PLCE1: variants seen among roughly 807,000 people sequenced by gnomAD.
PLCE1 encodes phospholipase C epsilon 1, also known as 1-phosphatidylinositol 4,5-bisphosphate phosphodiesterase epsilon-1.
PLCE1 carries 119 observed loss-of-function variants against 242.8 expected under a neutral mutation model. The ratio of observed to expected loss-of-function variants is 0.49; its 90% CI spans 0.42 to 0.57. PLCE1 has a LOEUF of 0.57. Among genes scored for constraint, PLCE1 ranks in the 20% least tolerant of loss-of-function variants. PLCE1 has a pLI of 0.00. For synonymous variants in PLCE1, 945 were observed against 1,017.4 expected (o/e 0.93, Z 1.35); for missense variants, 2,441 against 2,788.8 (o/e 0.88, Z 2.81).
chr10:94,134,077 TC>T (rs1197692825), intron 3 of PLCE1, among the ~76,000 whole-genome samples: 1 of 151,232 alleles, frequency 6.6e-6, no homozygotes, highest in Non-Finnish European at 1.5e-5. Flanking sequence ...ACTAAACCCC[TC>T]CCATTTGGTT....
chr10:94,308,515 T>C, intron 26 of PLCE1, 66 bp from the exon 27 acceptor site: 2 of 1,135,484 alleles, frequency 1.8e-6, no homozygotes, highest in Non-Finnish European at 2.7e-6. Context: ...ATTTGCCGAC[T>C]TCCAGGAGCA....
At chr10:94,260,021 C>T (rs974639800) in intron 13 of PLCE1, among the ~76,000 whole-genome samples, 2 of 152,172 alleles carry the variant, frequency 1.3e-5, no homozygotes, top group Non-Finnish European at 1.5e-5. Flanking sequence ...TACCTCCCAC[C>T]AGGTCCCTTC....
chr10:93,998,453 A>G (rs562931584), intron 1 of PLCE1, among the ~76,000 whole-genome samples: 139 of 152,282 alleles, frequency 9.1e-4, no homozygotes, highest in Non-Finnish European at 1.7e-3. Flanking sequence ...GGCTTAAGGT[A>G]TAGAGCCTGG....
chr10:94,002,583 C>T (rs913236331), intron 1 of PLCE1, among the ~76,000 whole-genome samples: 5 of 152,158 alleles, frequency 3.3e-5, no homozygotes, highest in African/African-American at 9.7e-5. Flanking sequence ...TATATTTTAT[C>T]TTAAATTATT....
chr10:94,199,214 A>G (rs946135567), intron 4 of PLCE1, among the ~76,000 whole-genome samples: 31 of 152,260 alleles, frequency 2.0e-4, no homozygotes, highest in Admixed American at 1.8e-3. Context: ...CACTAAAAGC[A>G]TTCTCAAATA....
chr10:94,240,705 T>C (rs1257074964), intron 7 of PLCE1, among the ~76,000 whole-genome samples: 1 of 152,114 alleles, frequency 6.6e-6, no homozygotes, highest in Non-Finnish European at 1.5e-5. Context: ...CAATGTAAAA[T>C]TTTCATCAGG....
At chr10:94,047,998 G>T (rs1240408402) in intron 2 of PLCE1, among the ~76,000 whole-genome samples, 1 of 152,086 alleles carries the variant, frequency 6.6e-6, no homozygotes, top group Non-Finnish European at 1.5e-5. Context: ...TTAAATTTTA[G>T]TTGTTTTGAA....
intron 2 of PLCE1, chr10:94,100,060 G>C (rs1019968113): frequency 2.0e-5 from 3 of 152,180 alleles, no homozygotes; most frequent in Non-Finnish European, 4.4e-5. Context: ...CACAACCTCT[G>C]TCTGGTTCTG....
At chr10:94,165,146 A>G (rs2047752677) in intron 3 of PLCE1, among the ~76,000 whole-genome samples, 2 of 152,232 alleles carry the variant, frequency 1.3e-5, no homozygotes, top group East Asian at 1.9e-4. Flanking sequence ...TGGGAGAACC[A>G]CTACTCTCTT....
intron 7 of PLCE1, among the ~76,000 whole-genome samples, chr10:94,237,042 T>C (rs2050348991): frequency 6.6e-6 from 1 of 152,200 alleles, no homozygotes; most frequent in Non-Finnish European, 1.5e-5. Flanking sequence ...TGTTCTGAGA[T>C]TCCTAGCAGT....
Position 94,298,711 on chromosome 10 carries a change from A to T in PLCE1, c.5458+42A>T. 6.2e-7 allele frequency: 1 copy of T among 1,601,584 alleles called. No homozygotes were observed. On this transcript the variant is annotated intron_variant, in intron 24 of 32. Coordinates refer to ENST00000371380, the MANE Select transcript of PLCE1 (RefSeq NM_016341.4). This position sits in a 1 kb window ranked among gnomAD's most constrained non-coding sequence, Gnocchi z 5.2. ...CTCACCTCGCTCCTTTGCATCTTAC[A>T]TTTCAGTAAATGCAGTTTGACAGCA...
chr10:94,206,455 G>A (rs973942726), intron 4 of PLCE1, among the ~76,000 whole-genome samples: 1 of 152,196 alleles, frequency 6.6e-6, no homozygotes, highest in Non-Finnish European at 1.5e-5. Flanking sequence ...TGAAAGTTGT[G>A]ATCAAATTGC....
chr10:94,198,439 T>A (rs2048891920), intron 4 of PLCE1, among the ~76,000 whole-genome samples: 1 of 152,228 alleles, frequency 6.6e-6, no homozygotes, highest in Non-Finnish European at 1.5e-5. Context: ...CTTTCCTTTT[T>A]TAAATTGAAC....
At chr10:94,280,034 A>G (rs1401816708) in intron 20 of PLCE1, 123 bp downstream of exon 20, 22 of 1,027,512 alleles carry the variant, frequency 2.1e-5, no homozygotes, top group Non-Finnish European at 3.2e-5. Flanking sequence ...AATATTGTCC[A>G]GGAGTTTCTG....
At chr10:94,141,654 A>G (rs866968379) in intron 3 of PLCE1, among the ~76,000 whole-genome samples, 24 of 318 alleles carry the variant, frequency 0.075, 2 homozygotes, top group Non-Finnish European at 0.16. Flanking sequence ...GGAAGGAAAG[A>G]AGAAAGGGAG....
At position 94,327,967 on chromosome 10, in the gene PLCE1, G is replaced by A. The variant is rs1490815454; in HGVS notation, c.*25-1G>A. 1 of 532,622 alleles carries A rather than the reference G, an allele frequency of 1.9e-6. No individual in the cohort carries two copies. The highest frequency in any genetic ancestry group is 1.4e-5 in the South Asian group (1 of 71,348). 33.0% of individuals were successfully genotyped at this position (532,622 alleles called of 1,614,324 possible). A position where few individuals can be genotyped will look rare whatever the true frequency, so the allele number is the denominator to read the frequency against. ...ATAAGCCTCTGTATACAACATTACA[G>A]GTGAAGATCTTTAAGCAAGAAGTTA... On this transcript the variant is annotated splice_acceptor_variant, in intron 32 of 32. Coordinates refer to ENST00000371380, the MANE Select transcript of PLCE1 (RefSeq NM_016341.4). LOFTEE classifies it low-confidence loss of function (3UTR_SPLICE).
chr10:94,235,900 G>T lies in PLCE1; in HGVS notation c.2215-15G>T, dbSNP rs764175059. 5 of 1,605,464 alleles carry T rather than the reference G, an allele frequency of 3.1e-6. No homozygotes were observed. In the African/African-American group the frequency reaches 4.0e-5, roughly 13 times the overall value. On this transcript the variant is annotated splice_polypyrimidine_tract_variant and intron_variant, in intron 6 of 32. Transcript: ENST00000371380. The stretch of plus-strand genomic sequence containing the variant: ...TATTAAGTTGCAATAGCAAATTCTC[G>T]ATTTTTTTTTGTAGTTTGTAGCAGA...
chr10:94,236,265 A>C, intron 7 of PLCE1, 145 bp downstream of exon 7: 2 of 679,650 alleles, frequency 2.9e-6, no homozygotes, highest in South Asian at 3.4e-5. Flanking sequence ...TTTATCTTCA[A>C]ACCTTACCAA....
chr10:94,242,639 A>T (rs984198412), intron 7 of PLCE1, among the ~76,000 whole-genome samples: 3 of 152,074 alleles, frequency 2.0e-5, no homozygotes, highest in Non-Finnish European at 4.4e-5. Context: ...ACCATTCTTC[A>T]GTAAAGGGAG....
Sources: gnomAD v4.1 joint callset for allele counts (sites outside exome capture counted in the v4.1 genomes callset) on GRCh38, gnomAD v4.1.1 for gene constraint, Gnocchi (gnomAD v3.1) non-coding constraint, MANE v1.5 for transcripts, NCBI Gene and HGNC (gene_info 2026-07-23, HGNC 2026-07-21) for gene names.